Variants in KCNH1 observed in about 807,000 individuals in gnomAD.
KCNH1 encodes potassium voltage-gated channel subfamily H member 1, also known as voltage-gated delayed rectifier potassium channel KCNH1.
KCNH1 carries 27 observed loss-of-function variants against 69.2 expected under a neutral mutation model. The ratio of observed to expected loss-of-function variants is 0.39; its 90% CI spans 0.29 to 0.54. The LOEUF (loss-of-function observed/expected upper bound fraction) is 0.54. Among genes scored for constraint, KCNH1 ranks in the 20% least tolerant of loss-of-function variants. The pLI is 0.68. For synonymous variants in KCNH1, 456 were observed against 487.7 expected (o/e 0.93, Z 0.86); for missense variants, 798 against 1,261.6 (o/e 0.63, Z 5.57).
intron 5 of KCNH1, among the ~76,000 whole-genome samples, chr1:211,058,737 A>C (rs1423410629): frequency 1.3e-5 from 2 of 152,210 alleles, no homozygotes; most frequent in African/African-American, 2.4e-5. Context: ...CTTACTTACC[A>C]ATAATAACAT....
chr1:210,958,762 G>C (rs980041454), intron 6 of KCNH1, among the ~76,000 whole-genome samples: 1 of 152,110 alleles, frequency 6.6e-6, no homozygotes, highest in East Asian at 1.9e-4. Context: ...AACTCCATCA[G>C]GTCATTTAGG....
chr1:210,756,318 C>A (rs1683399102), intron 10 of KCNH1, among the ~76,000 whole-genome samples: 1 of 152,148 alleles, frequency 6.6e-6, no homozygotes, highest in Admixed American at 6.5e-5. Flanking sequence ...GTATAATGTG[C>A]TCCATCCTGA....
At chr1:211,060,170 A>C (rs1690405381) in intron 5 of KCNH1, among the ~76,000 whole-genome samples, 1 of 152,094 alleles carries the variant, frequency 6.6e-6, no homozygotes, top group Non-Finnish European at 1.5e-5. Context: ...AAAATTGAAA[A>C]ATTTCTTGAA....
intron 5 of KCNH1, among the ~76,000 whole-genome samples, chr1:211,030,554 A>C (rs976945052): frequency 1.3e-5 from 2 of 152,202 alleles, no homozygotes; most frequent in African/African-American, 4.8e-5. Context: ...GGACATCAAT[A>C]AGCCAGAAAA....
chr1:210,851,612 C>G (rs977077200), intron 7 of KCNH1, among the ~76,000 whole-genome samples: 1 of 152,098 alleles, frequency 6.6e-6, no homozygotes, highest in Non-Finnish European at 1.5e-5. Context: ...TTAGGTGATC[C>G]CATCCTTGTG....
intron 7 of KCNH1, among the ~76,000 whole-genome samples, chr1:210,808,448 G>T (rs901628940): frequency 1.3e-5 from 2 of 152,162 alleles, no homozygotes; most frequent in Admixed American, 1.3e-4. Context: ...ATTCTGGAAG[G>T]TTAAGGGTCC....
At chr1:211,052,854 T>C (rs952537363) in intron 5 of KCNH1, among the ~76,000 whole-genome samples, 96 of 152,258 alleles carry the variant, frequency 6.3e-4, no homozygotes, top group Non-Finnish European at 1.6e-4. Flanking sequence ...CAACTTTAAT[T>C]CTCTGTGTAT....
intron 6 of KCNH1, among the ~76,000 whole-genome samples, chr1:210,937,885 T>C (rs2102584203): frequency 6.6e-6 from 1 of 152,382 alleles, no homozygotes; most frequent in East Asian, 1.9e-4. Flanking sequence ...AGTCCTTTTC[T>C]AGAACTTCTT....
intron 6 of KCNH1, among the ~76,000 whole-genome samples, chr1:210,952,871 A>G (rs550927724): frequency 6.6e-6 from 1 of 152,348 alleles, no homozygotes; most frequent in African/African-American, 2.4e-5. Flanking sequence ...CTTGTGCATT[A>G]CATAAGCTAG....
At chr1:210,840,324 G>T (rs1341251589) in intron 7 of KCNH1, among the ~76,000 whole-genome samples, 1 of 152,120 alleles carries the variant, frequency 6.6e-6, no homozygotes, top group Non-Finnish European at 1.5e-5. Flanking sequence ...ACCAGCAGTT[G>T]TTCTCCTGAT....
chr1:210,916,719 G>T (rs1020950271), intron 7 of KCNH1, among the ~76,000 whole-genome samples: 2 of 152,182 alleles, frequency 1.3e-5, no homozygotes, highest in Non-Finnish European at 2.9e-5. Flanking sequence ...AGAAAAAATT[G>T]TGTGTAGAGT....
At chr1:210,751,463 G>A (rs567787035) in intron 10 of KCNH1, among the ~76,000 whole-genome samples, 1 of 152,300 alleles carries the variant, frequency 6.6e-6, no homozygotes, top group South Asian at 2.1e-4. Flanking sequence ...GAGGCTAAGT[G>A]TGGAGTAGGG....
In KCNH1 at chr1:211,133,910, G is replaced by A. The variant is rs1691924781; in HGVS notation, c.36C>T (p.Ala12=). The A allele has an allele frequency of 1.2e-6, 2 of 1,611,550 alleles. No individual in the cohort carries two copies. Among genetic ancestry groups the A allele is most frequent in the Non-Finnish European group, 1.7e-6 (2 of 1,179,012 alleles). ...TMAGGRRGLV[A]PQNTFLENIV... Reference sequence around the variant, plus strand: ...TATTCTCCAGAAACGTGTTTTGAGGGGCCACTAGTCCCCTCCTGCCCCCAG... The same window carrying A: ...TATTCTCCAGAAACGTGTTTTGAGGAGCCACTAGTCCCCTCCTGCCCCCAG... The change falls in exon 1 of 11, where the codon GCC becomes GCT. Residue 12 remains alanine (A), a synonymous_variant. Transcript: ENST00000271751. The surrounding 1 kb of genome is among the most constrained non-coding windows in gnomAD (Gnocchi z 5.4).
chr1:210,970,718 CGTAAGG>C (rs1688496957), intron 6 of KCNH1, among the ~76,000 whole-genome samples: 1 of 152,080 alleles, frequency 6.6e-6, no homozygotes, highest in African/African-American at 2.4e-5. Flanking sequence ...CCATTCAGGA[CGTAAGG>C]GTGGGCAAAG....
intron 7 of KCNH1, among the ~76,000 whole-genome samples, chr1:210,851,444 T>C (rs1047755982): frequency 6.6e-6 from 1 of 152,238 alleles, no homozygotes; most frequent in Non-Finnish European, 1.5e-5. Flanking sequence ...AGGAACTAGA[T>C]TAGTGTCATA....
chr1:210,977,225 A>G (rs950024732), intron 6 of KCNH1, among the ~76,000 whole-genome samples: 2 of 152,160 alleles, frequency 1.3e-5, no homozygotes, highest in African/African-American at 4.8e-5. Context: ...GTTCTCACTC[A>G]TAGGTGGGAA....
intron 7 of KCNH1, among the ~76,000 whole-genome samples, chr1:210,823,346 G>T (rs1362741444): frequency 6.6e-6 from 1 of 152,158 alleles, no homozygotes; most frequent in African/African-American, 2.4e-5. Flanking sequence ...AAAGTAAGTG[G>T]TACACTGTAA....
intron 7 of KCNH1, chr1:210,860,654 T>A: frequency 1.3e-6 from 1 of 782,618 alleles, no homozygotes; most frequent in Non-Finnish European, 2.4e-6. Context: ...AGAGCCTGCA[T>A]TACAGGTCTG....
intron 6 of KCNH1, among the ~76,000 whole-genome samples, chr1:210,999,209 A>C (rs1460097709): frequency 6.6e-6 from 1 of 152,208 alleles, no homozygotes; most frequent in East Asian, 1.9e-4. Flanking sequence ...CCTTCAAAAA[A>C]TCAATGAATC....
Sources: allele counts gnomAD v4.1 joint callset (sites outside exome capture counted in the v4.1 genomes callset), GRCh38; gene constraint gnomAD v4.1.1; non-coding constraint Gnocchi (gnomAD v3.1); transcripts MANE v1.5; gene names NCBI Gene and HGNC (gene_info 2026-07-23, HGNC 2026-07-21).